Variants in ROBO1 observed in about 807,000 individuals in gnomAD.
ROBO1 encodes roundabout guidance receptor 1.
A neutral mutation model predicts 195.9 loss-of-function variants in ROBO1; 149 were observed. The observed-to-expected ratio is 0.76, with a 90% CI of 0.67 to 0.87. The LOEUF (loss-of-function observed/expected upper bound fraction) is 0.87. Among genes scored for constraint, ROBO1 ranks in the 40% least tolerant of loss-of-function variants. The probability of loss-of-function intolerance (pLI) is 0.00; values close to 1 mark genes in which losing one functional copy is unlikely to be tolerated. For synonymous variants in ROBO1, 816 were observed against 733.2 expected (o/e 1.11, Z -1.82); for missense variants, 1,933 against 2,068.3 (o/e 0.93, Z 1.27).
chr3:78,878,467 T>C (rs1576332854), intron 4 of ROBO1, among the ~76,000 whole-genome samples: 1 of 150,584 alleles, frequency 6.6e-6, no homozygotes, highest in Non-Finnish European at 1.5e-5. Flanking sequence ...TGCCTGTAAT[T>C]CCAGCTACTT....
At chr3:79,365,886 G>A (rs2035959989) in intron 2 of ROBO1, among the ~76,000 whole-genome samples, 1 of 130,244 alleles carries the variant, frequency 7.7e-6, no homozygotes, top group Non-Finnish European at 1.6e-5. Context: ...GACACAGCAA[G>A]ACTCCGTCTC....
intron 1 of ROBO1, among the ~76,000 whole-genome samples, chr3:79,637,466 T>C (rs1408066811): frequency 3.1e-5 from 3 of 96,916 alleles, no homozygotes; most frequent in Admixed American, 2.0e-4. Flanking sequence ...GATTTTTACA[T>C]TGGAAAAAAA....
chr3:79,036,573 A>G (rs1176981927), intron 3 of ROBO1, among the ~76,000 whole-genome samples: 1 of 152,192 alleles, frequency 6.6e-6, no homozygotes, highest in East Asian at 1.9e-4. Flanking sequence ...TTATATCACT[A>G]AGATATAAAT....
intron 4 of ROBO1, among the ~76,000 whole-genome samples, chr3:78,923,534 G>C (rs1348717596): frequency 6.6e-6 from 1 of 152,098 alleles, no homozygotes; most frequent in Admixed American, 6.5e-5. Context: ...TGTGTGTAAT[G>C]CTACTCTATA....
intron 1 of ROBO1, among the ~76,000 whole-genome samples, chr3:79,609,705 T>C (rs1020258239): frequency 6.6e-6 from 1 of 151,878 alleles, no homozygotes; most frequent in Non-Finnish European, 1.5e-5. Flanking sequence ...TGCTATGACA[T>C]GGAAGAACCA....
intron 2 of ROBO1, among the ~76,000 whole-genome samples, chr3:79,344,896 A>G (rs1434241074): frequency 6.6e-6 from 1 of 151,982 alleles, no homozygotes; most frequent in Admixed American, 6.6e-5. Flanking sequence ...GGTTTTATAA[A>G]GAGCAGTTTT....
intron 3 of ROBO1, among the ~76,000 whole-genome samples, chr3:78,944,341 A>G (rs948428632): frequency 7.2e-5 from 11 of 152,244 alleles, no homozygotes; most frequent in African/African-American, 2.4e-4. Context: ...AATATAGATG[A>G]TAAAAACACC....
At chr3:79,035,863 C>G (rs1461431424) in intron 3 of ROBO1, among the ~76,000 whole-genome samples, 1 of 151,960 alleles carries the variant, frequency 6.6e-6, no homozygotes, top group African/African-American at 2.4e-5. Context: ...ACTGCACAAA[C>G]AAAACTATCT....
chr3:79,405,632 T>C (rs1266365489), intron 2 of ROBO1, among the ~76,000 whole-genome samples: 1 of 152,178 alleles, frequency 6.6e-6, no homozygotes, highest in Non-Finnish European at 1.5e-5. Flanking sequence ...CTGATCAACA[T>C]TGCAAGAATA....
intron 3 of ROBO1, among the ~76,000 whole-genome samples, chr3:79,075,803 C>T (rs976354384): frequency 6.6e-6 from 1 of 151,640 alleles, no homozygotes; most frequent in Admixed American, 6.6e-5. Context: ...GAATAAGGCA[C>T]TAGCTATGTA....
At chr3:78,857,196 CAAAT>C (rs1175362040) in intron 4 of ROBO1, among the ~76,000 whole-genome samples, 5 of 151,942 alleles carry the variant, frequency 3.3e-5, no homozygotes, top group East Asian at 3.9e-4. Flanking sequence ...TTTGTGAAAA[CAAAT>C]GAATGTGGTA....
intron 1 of ROBO1, among the ~76,000 whole-genome samples, chr3:79,715,338 A>C (rs1199316335): frequency 6.6e-6 from 1 of 152,090 alleles, no homozygotes; most frequent in African/African-American, 2.4e-5. Flanking sequence ...CAATGCAGCA[A>C]ACCTCATTGT....
intron 5 of ROBO1, among the ~76,000 whole-genome samples, chr3:78,739,922 T>A (rs903883403): frequency 5.9e-5 from 9 of 152,176 alleles, no homozygotes; most frequent in African/African-American, 2.2e-4. Flanking sequence ...TTGTTATATA[T>A]GTTGCAGAAT....
At chr3:79,735,304 C>A (rs1206983165) in intron 1 of ROBO1, among the ~76,000 whole-genome samples, 1 of 152,174 alleles carries the variant, frequency 6.6e-6, no homozygotes, top group Non-Finnish European at 1.5e-5. Context: ...TTACGAATTT[C>A]ATCTAGAGTG....
chr3:79,572,719 CAT>C (rs1943320017), intron 2 of ROBO1, among the ~76,000 whole-genome samples: 3 of 152,110 alleles, frequency 2.0e-5, no homozygotes, highest in African/African-American at 7.2e-5. Context: ...AAGTTAGAAA[CAT>C]AGAAATTAAT....
At chr3:79,010,513 G>A (rs987103695) in intron 3 of ROBO1, among the ~76,000 whole-genome samples, 5 of 152,054 alleles carry the variant, frequency 3.3e-5, no homozygotes, top group African/African-American at 1.2e-4. Context: ...TATTATTAGA[G>A]ATATTATTGA....
intron 1 of ROBO1, among the ~76,000 whole-genome samples, chr3:79,591,474 T>C (rs1943998386): frequency 6.6e-6 from 1 of 151,906 alleles, no homozygotes; most frequent in African/African-American, 2.4e-5. Flanking sequence ...GCAACTTTGA[T>C]CTGAGCTAGA....
chr3:79,508,699 CT>C (rs1405693573), intron 2 of ROBO1, among the ~76,000 whole-genome samples: 1 of 152,088 alleles, frequency 6.6e-6, no homozygotes, highest in East Asian at 1.9e-4. Context: ...CATCCGTTTT[CT>C]AATTATCTCT....
At chr3:78,635,714 A>G in intron 23 of ROBO1, 59 bp downstream of exon 23, 1 of 1,381,832 alleles carries the variant, frequency 7.2e-7, no homozygotes, top group Non-Finnish European at 1.0e-6. Flanking sequence ...TTCAACATCT[A>G]GTCGAGGTGC....
Sources: allele counts gnomAD v4.1 joint callset (sites outside exome capture counted in the v4.1 genomes callset), GRCh38; gene constraint gnomAD v4.1.1; transcripts MANE v1.5; gene names NCBI Gene and HGNC (gene_info 2026-07-23, HGNC 2026-07-21).